Variants in CRACD observed in about 807,000 individuals in gnomAD.
CRACD encodes capping protein-inhibiting regulator of actin dynamics.
A neutral mutation model predicts 106.8 loss-of-function variants in CRACD; 56 were observed. The observed-to-expected ratio is 0.52, with a 90% confidence interval of 0.42 to 0.66. The LOEUF is 0.66. Among genes scored for constraint, CRACD ranks in the 30% least tolerant of loss-of-function variants. The pLI, the probability that CRACD is intolerant of heterozygous loss-of-function variation, is 0.00. For synonymous variants in CRACD, 754 were observed against 670.8 expected, an observed-to-expected ratio of 1.12 and a Z score of -1.92; for missense variants, 1,730 against 1,623.2, an observed-to-expected ratio of 1.07 and a Z score of -1.13.
In CRACD at chr4:56,076,144, A is replaced by T. The variant is rs185633884; in HGVS notation, c.-336+26845A>T. Among the ~76,000 whole-genome samples the T allele has an allele frequency of 2.6e-5, 4 of 152,310 alleles. No individual in the cohort carries two copies. In the East Asian group the frequency reaches 7.7e-4, roughly 29 times the overall value. On this transcript the variant is annotated intron_variant, in intron 1 of 10. Coordinates refer to ENST00000682029, the MANE Select transcript of CRACD (RefSeq NM_001393381.1). Reference sequence around the variant, plus strand: ...CATATGGGCAGACCCTAATCAATATAACTTGTTTCCTTATAAGAGGAAATT... The same window carrying T: ...CATATGGGCAGACCCTAATCAATATTACTTGTTTCCTTATAAGAGGAAATT...
intron 2 of CRACD, among the ~76,000 whole-genome samples, chr4:56,191,659 A>G (rs181498114): frequency 6.6e-6 from 1 of 152,326 alleles, no homozygotes; most frequent in African/African-American, 2.4e-5. Context: ...GCCCCAGGAC[A>G]TGTGTTCTGC....
intron 3 of CRACD, among the ~76,000 whole-genome samples, chr4:56,278,351 T>G (rs1394174917): frequency 6.6e-6 from 1 of 152,152 alleles, no homozygotes; most frequent in East Asian, 1.9e-4. Flanking sequence ...AGAAATAAAC[T>G]CTTACGTTTG....
intron 2 of CRACD, among the ~76,000 whole-genome samples, chr4:56,228,969 G>A (rs1181461370): frequency 6.6e-6 from 1 of 152,166 alleles, no homozygotes; most frequent in East Asian, 1.9e-4. Flanking sequence ...ATATCACAGA[G>A]ATGTCATGAG....
chr4:56,278,743 T>G (rs1742820673), intron 3 of CRACD, among the ~76,000 whole-genome samples: 2 of 152,062 alleles, frequency 1.3e-5, no homozygotes, highest in Non-Finnish European at 2.9e-5. Context: ...AAGTCATATT[T>G]GGAATAAGTA....
intron 1 of CRACD, among the ~76,000 whole-genome samples, chr4:56,124,534 T>C (rs1225577250): frequency 6.6e-6 from 1 of 152,210 alleles, no homozygotes; most frequent in Admixed American, 6.5e-5. Context: ...TAATATCTAG[T>C]CAGTGTTCAG....
Position 56,316,699 on chromosome 4 carries a change from T to C in CRACD, c.3187+10T>C. On this transcript the variant is annotated intron_variant, in intron 8 of 10. Transcript: ENST00000682029. ...GAGGCCGGGAGGAAAGGTAGGTAGC[T>C]GCAGGGTGGGTAACTGCTGCCAGCC... 6.3e-7 allele frequency: 1 copy of C among 1,597,956 alleles called. No individual in the cohort carries two copies. Among genetic ancestry groups the C allele is most frequent in the South Asian group, 1.1e-5 (1 of 89,752 alleles).
intron 1 of CRACD, among the ~76,000 whole-genome samples, chr4:56,104,121 G>A (rs991064725): frequency 2.0e-5 from 3 of 152,154 alleles, no homozygotes; most frequent in Non-Finnish European, 2.9e-5. Context: ...AATTGTCTTC[G>A]CGCAGTAGCT....
intron 2 of CRACD, among the ~76,000 whole-genome samples, chr4:56,265,024 C>G (rs1006514525): frequency 2.0e-5 from 3 of 152,170 alleles, no homozygotes; most frequent in Admixed American, 2.0e-4. Flanking sequence ...GAAGTAAAGT[C>G]TCAGTCCTCA....
intron 1 of CRACD, among the ~76,000 whole-genome samples, chr4:56,084,767 TAG>T (rs745863839): frequency 1.2e-4 from 18 of 152,194 alleles, no homozygotes; most frequent in Non-Finnish European, 2.5e-4. Flanking sequence ...TCATTCAAAG[TAG>T]AGAGCTAACA....
At chr4:56,122,997 A>T (rs1734540523) in intron 1 of CRACD, among the ~76,000 whole-genome samples, 1 of 152,246 alleles carries the variant, frequency 6.6e-6, no homozygotes, top group Admixed American at 6.5e-5. Context: ...GTCACAGCTA[A>T]ATGCCACATC....
intron 1 of CRACD, among the ~76,000 whole-genome samples, chr4:56,156,257 T>C (rs1435761992): frequency 6.6e-6 from 1 of 152,334 alleles, no homozygotes; most frequent in East Asian, 1.9e-4. Context: ...CCACCGCACC[T>C]GGCCGAATGT....
chr4:56,105,748 T>C (rs1733929722), intron 1 of CRACD, among the ~76,000 whole-genome samples: 1 of 152,164 alleles, frequency 6.6e-6, no homozygotes, highest in Non-Finnish European at 1.5e-5. Flanking sequence ...TCCATCAAAA[T>C]TTATTGAGTT....
chr4:56,086,955 A>T (rs1228127748), intron 1 of CRACD, among the ~76,000 whole-genome samples: 1 of 152,098 alleles, frequency 6.6e-6, no homozygotes, highest in Non-Finnish European at 1.5e-5. Flanking sequence ...CAGCCCTGCC[A>T]TGCCACACAA....
chr4:56,157,571 G>C (rs11733155), intron 1 of CRACD, among the ~76,000 whole-genome samples: 64,617 of 151,966 alleles, frequency 0.43, 14,332 homozygotes, highest in African/African-American at 0.54. Context: ...TGAGCAAAAT[G>C]ATCTCAGTGG....
chr4:56,101,148 G>C (rs1234339098), intron 1 of CRACD, among the ~76,000 whole-genome samples: 1 of 151,922 alleles, frequency 6.6e-6, no homozygotes. Context: ...TAAAGGCAGG[G>C]TCCAACCCCT....
chr4:56,091,989 C>T (rs1733438002), intron 1 of CRACD, among the ~76,000 whole-genome samples: 1 of 151,992 alleles, frequency 6.6e-6, no homozygotes. Flanking sequence ...TTGAGACCAG[C>T]CAAGGCAACA....
At chr4:56,237,536 ACTAC>A (rs1017912399) in intron 2 of CRACD, among the ~76,000 whole-genome samples, 1 of 152,010 alleles carries the variant, frequency 6.6e-6, no homozygotes, top group Non-Finnish European at 1.5e-5. Flanking sequence ...ACTTTTTTTG[ACTAC>A]CTATTATTGA....
At chr4:56,130,295 C>G (rs1225872032) in intron 1 of CRACD, among the ~76,000 whole-genome samples, 1 of 152,010 alleles carries the variant, frequency 6.6e-6, no homozygotes, top group Non-Finnish European at 1.5e-5. Flanking sequence ...TAACCATAAT[C>G]TCAACAAATC....
intron 2 of CRACD, among the ~76,000 whole-genome samples, chr4:56,258,935 G>C (rs770819982): frequency 3.2e-4 from 49 of 152,236 alleles, no homozygotes; most frequent in Middle Eastern, 3.4e-3. Flanking sequence ...ATGCTCTAAA[G>C]TCTGAATCCA....
Sources: gnomAD v4.1 joint callset for allele counts (sites outside exome capture counted in the v4.1 genomes callset) on GRCh38, gnomAD v4.1.1 for gene constraint, MANE v1.5 for transcripts, NCBI Gene and HGNC (gene_info 2026-07-23, HGNC 2026-07-21) for gene names.